ZNF674: variants seen among roughly 807,000 people sequenced by gnomAD.
ZNF674 encodes zinc finger family member 674.
In ZNF674, 2 loss-of-function variants were observed where a neutral mutation model predicts 7.0. That is an observed-to-expected ratio of 0.29 (90% CI 0.12 to 0.90). The LOEUF (loss-of-function observed/expected upper bound fraction) is 0.90. Among genes scored for constraint, ZNF674 ranks in the 40% least tolerant of loss-of-function variants. The pLI is 0.57. For missense variants in ZNF674, 297 were observed against 415.5 expected (o/e 0.71, Z 2.48); for synonymous variants, 103 against 145.2 (o/e 0.71, Z 2.09).
At chrX:46,522,795 AGAAAT>A (rs1034799971) in intron 5 of ZNF674, 2 of 113,182 alleles carry the variant, frequency 1.8e-5, no homozygotes, top group African/African-American at 6.4e-5. Flanking sequence ...AGTGAATAAA[AGAAAT>A]AAGTCACAAA....
chrX:46,541,287 G>A (rs1374974846), intron 3 of ZNF674, among the ~76,000 whole-genome samples: 1 of 106,376 alleles, frequency 9.4e-6, no homozygotes, highest in Non-Finnish European at 1.9e-5. Context: ...CTTGAACCTG[G>A]AAGGCGGAGG....
chrX:46,505,137 C>T (rs989552587), intron 5 of ZNF674, among the ~76,000 whole-genome samples: 6 of 111,119 alleles, frequency 5.4e-5, no homozygotes, highest in Non-Finnish European at 3.8e-5. Flanking sequence ...ATATGACCGC[C>T]TCGGCCTCCC....
Position 46,501,347 on chromosome X carries a change from T to A in ZNF674, c.239-12A>T. On this transcript the variant is annotated splice_polypyrimidine_tract_variant and intron_variant, in intron 5 of 5. Transcript: ENST00000683375. ...AACTTCCCAGACTTCTAGAAGAAAA[T>A]GCAATGAATCATCAAACTTGTCTTC... is the stretch of plus-strand genomic sequence containing the variant. The A allele has an allele frequency of 1.7e-6, 2 of 1,195,340 alleles. No individual in the cohort carries two copies. The highest frequency in any genetic ancestry group is 2.3e-6 in the Non-Finnish European group (2 of 886,914).
chrX:46,508,553 G>A (rs1013048033), intron 5 of ZNF674, among the ~76,000 whole-genome samples: 8 of 110,983 alleles, frequency 7.2e-5, no homozygotes, highest in Non-Finnish European at 1.5e-4. Context: ...ATTACCTTGG[G>A]CAGTATGGCC....
intron 2 of ZNF674, among the ~76,000 whole-genome samples, chrX:46,542,950 T>A (rs1293554521): frequency 2.1e-5 from 2 of 97,023 alleles, no homozygotes; most frequent in Non-Finnish European, 4.1e-5. Flanking sequence ...GCATTTATTC[T>A]TTTTTTTGTT....
intron 3 of ZNF674, among the ~76,000 whole-genome samples, chrX:46,533,132 CCCGCAGATAATATCACCATTATAGAA>C (rs1329551328): frequency 3.0e-4 from 33 of 111,528 alleles, no homozygotes; most frequent in African/African-American, 1.0e-3. Flanking sequence ...CCCAATTACT[CCCGCAGATAATATCACCATTATAGAA>C]CCTAAGATTG....
chrX:46,541,315 C>T (rs1189251378), intron 3 of ZNF674, among the ~76,000 whole-genome samples: 7 of 103,558 alleles, frequency 6.8e-5, no homozygotes, highest in Non-Finnish European at 9.8e-5. Flanking sequence ...GAGCCGATAT[C>T]GCACCATTGC....
rs1274244689 is a variant in ZNF674 at position 46,542,536 on chromosome X, T to C, written c.-29-420A>G. Among the ~76,000 whole-genome samples the C allele has an allele frequency of 4.5e-5, 5 of 110,982 alleles. No homozygotes were observed. In the Admixed American group the frequency reaches 4.9e-4, roughly 11 times the overall value. ...CCAGCCTAGACAATATAGCAAGGCC[T>C]TGTCTCTACAAAACCGAAAATTAAA... On this transcript the variant is annotated intron_variant, in intron 2 of 5. Coordinates refer to ENST00000683375, the MANE Select transcript of ZNF674 (RefSeq NM_001190417.2).
chrX:46,543,853 A>T (rs73198083), intron 2 of ZNF674, among the ~76,000 whole-genome samples: 25,677 of 111,829 alleles, frequency 0.23, 2,678 homozygotes, highest in Middle Eastern at 0.37. Context: ...GCAGAGCTGG[A>T]TGACAGCATA....
chrX:46,525,548 GA>G (rs1423116803), intron 5 of ZNF674: 1 of 112,689 alleles, frequency 8.9e-6, no homozygotes, highest in African/African-American at 3.3e-5. Flanking sequence ...CCAGGAGGCG[GA>G]GGTTGTGGTA....
rs770034510 is a variant in ZNF674, at chrX:46,499,845, A to G, written c.1729T>C (p.Ter577ArgextTer7). The G allele has an allele frequency of 1.8e-6, 2 of 1,123,946 alleles. No individual in the cohort carries two copies. Among genetic ancestry groups the G allele is most frequent in the Non-Finnish European group, 2.3e-6 (2 of 852,747 alleles). The allele number at this position is 1,123,946 out of a possible 1,213,427, so 92.6% of individuals were successfully genotyped here. A position where few individuals can be genotyped will look rare whatever the true frequency, so the allele number is the denominator to read the frequency against. The change falls in exon 6 of 6, where the codon TGA becomes CGA. Residue 577 changes from the stop codon to arginine, a stop_lost. Coordinates refer to ENST00000683375, the MANE Select transcript of ZNF674 (RefSeq NM_001190417.2). ...AATTATCCCACTCTCAAGTATAATC[A>G]TAGGTTTTTATCTCCTGTGTGACTT... Reference protein sequence around the residue: ...QRSHTGDKNL* With the variant: ...QRSHTGDKNLR
At chrX:46,534,343 A>G (rs1263692205) in intron 3 of ZNF674, among the ~76,000 whole-genome samples, 1 of 111,096 alleles carries the variant, frequency 9.0e-6, no homozygotes, top group East Asian at 2.8e-4. Context: ...TGAACCCTCA[A>G]ATAAATTACA....
intron 5 of ZNF674, among the ~76,000 whole-genome samples, chrX:46,525,602 C>T (rs192605165): frequency 0.039 from 4,040 of 104,723 alleles, 191 homozygotes; most frequent in African/African-American, 0.14. Flanking sequence ...GCAACAAAAG[C>T]GAAACTCCTT....
intron 5 of ZNF674, among the ~76,000 whole-genome samples, chrX:46,508,585 C>T (rs1378576569): frequency 9.0e-6 from 1 of 111,036 alleles, no homozygotes; most frequent in Non-Finnish European, 1.9e-5. Flanking sequence ...ATTGATTCTT[C>T]CTACCCATGA....
chrX:46,543,243 C>T (rs755317390), intron 2 of ZNF674, among the ~76,000 whole-genome samples: 2 of 112,000 alleles, frequency 1.8e-5, no homozygotes, highest in African/African-American at 3.2e-5. Context: ...CATGAGCCAC[C>T]GCGCCTGACC....
At chrX:46,540,239 G>A (rs1412860017) in intron 3 of ZNF674, among the ~76,000 whole-genome samples, 2 of 106,492 alleles carry the variant, frequency 1.9e-5, no homozygotes, top group Non-Finnish European at 3.9e-5. Context: ...GCGAGACTCT[G>A]TCTCAAAAAA....
Position 46,528,970 on chromosome X carries a change from C to T in ZNF674, c.16-61G>A, listed in dbSNP as rs1942059033. ...CAGCCTGGGGCACTGGGACATGGCA[C>T]CTCACACACACGGAGGGCTTACTCT... On this transcript the variant is annotated intron_variant, in intron 3 of 5. Transcript: ENST00000683375. 1.4e-5 allele frequency: 17 copies of T among 1,208,844 alleles called. No individual in the cohort carries two copies. The South Asian group carries it at 2.6e-4, about 19-fold the overall frequency.
chrX:46,534,747 GT>G (rs1302438102), intron 3 of ZNF674, among the ~76,000 whole-genome samples: 8 of 104,834 alleles, frequency 7.6e-5, no homozygotes, highest in African/African-American at 2.4e-4. Flanking sequence ...TCTTTTCTGT[GT>G]TTTTTTTTTC....
chrX:46,529,023 T>G (rs5906232), intron 3 of ZNF674, 114 bp from the exon 4 acceptor site: 361,710 of 1,174,071 alleles, frequency 0.31, 40,113 homozygotes, highest in Non-Finnish European at 0.34. Flanking sequence ...TTACATGTAC[T>G]AAAGATTTCA....
Sources: gnomAD v4.1 joint callset for allele counts (sites outside exome capture counted in the v4.1 genomes callset) on GRCh38, gnomAD v4.1.1 for gene constraint, MANE v1.5 for transcripts, NCBI Gene and HGNC (gene_info 2026-07-23, HGNC 2026-07-21) for gene names.